ARAP1: variants seen among roughly 807,000 people sequenced by gnomAD.
The protein encoded by ARAP1 is arf-GAP with Rho-GAP domain, ANK repeat and PH domain-containing protein 1.
In ARAP1, 76 loss-of-function variants were observed where a neutral mutation model predicts 172.2. That is an observed-to-expected ratio of 0.44 (90% CI 0.37 to 0.53). ARAP1 has a LOEUF of 0.53. Ranked by LOEUF, ARAP1 falls within the 20% of genes least tolerant of loss-of-function variation. The probability of loss-of-function intolerance (pLI) is 0.00; values close to 1 mark genes in which losing one functional copy is unlikely to be tolerated. For synonymous variants in ARAP1, 804 were observed against 803.3 expected (o/e 1.00, Z -0.01); for missense variants, 1,686 against 1,977.5 (o/e 0.85, Z 2.80).
At chr11:72,729,485 C>G (rs1357111218) in intron 2 of ARAP1, among the ~76,000 whole-genome samples, 1 of 151,954 alleles carries the variant, frequency 6.6e-6, no homozygotes, top group African/African-American at 2.4e-5. Flanking sequence ...CTCAGCTACT[C>G]AGGAGGCTAA....
At chr11:72,716,510 G>A (rs117252445) in intron 3 of ARAP1, among the ~76,000 whole-genome samples, 5,457 of 152,380 alleles carry the variant, frequency 0.036, 129 homozygotes, top group Non-Finnish European at 0.056. Context: ...GCATCTGGAC[G>A]GAGAGAAACT....
chr11:72,703,674 G>A (rs905924068), intron 14 of ARAP1, among the ~76,000 whole-genome samples: 6 of 152,226 alleles, frequency 3.9e-5, no homozygotes, highest in Non-Finnish European at 7.3e-5. Context: ...CTGCCTCGGA[G>A]CTGGCTGCCT....
chr11:72,694,776 C>T (rs190480614), intron 27 of ARAP1, among the ~76,000 whole-genome samples: 17 of 152,292 alleles, frequency 1.1e-4, no homozygotes, highest in African/African-American at 4.1e-4. Context: ...TCACTGACAT[C>T]TTCTATCAGC....
At chr11:72,705,563 T>C (rs1565217487) in intron 13 of ARAP1, 2 of 464,272 alleles carry the variant, frequency 4.3e-6, no homozygotes, top group South Asian at 3.8e-5. Context: ...ATTTTCTTCC[T>C]TTTTTTTTCT....
rs531096054 is a variant in ARAP1 at position 72,714,528 on chromosome 11, C to T, written c.510-207G>A. 2.0e-5 allele frequency among the ~76,000 whole-genome samples: 3 copies of T among 152,296 alleles called. No homozygotes were observed. In the South Asian group the frequency reaches 6.2e-4, roughly 32 times the overall value. On this transcript the variant is annotated intron_variant, in intron 3 of 34. Coordinates refer to ENST00000393609, the MANE Select transcript of ARAP1 (RefSeq NM_001040118.3). Reference sequence around the variant, plus strand: ...CCGAAGCCTAAAGGAAGCAGGCACCCTCTTTGGCCTGAATGAGGTGTTCAC... The same window carrying T: ...CCGAAGCCTAAAGGAAGCAGGCACCTTCTTTGGCCTGAATGAGGTGTTCAC...
In ARAP1 at chr11:72,699,298, C is replaced by T. The variant is rs564170398; in HGVS notation, c.2438+119G>A. ...AGACTGGAGTCGGCCCTTGTGCAGCCTCCGTTTGCTGTGTGACTCTGCGGA... is the reference window on the plus strand; with the variant it reads ...AGACTGGAGTCGGCCCTTGTGCAGCTTCCGTTTGCTGTGTGACTCTGCGGA... On this transcript the variant is annotated intron_variant, in intron 17 of 34. Transcript: ENST00000393609. The surrounding 1 kb of genome is among the most constrained non-coding windows in gnomAD (Gnocchi z 4.2). 7.8e-5 allele frequency: 117 copies of T among 1,503,614 alleles called. No homozygotes were observed. In the African/African-American group the frequency reaches 1.5e-3, roughly 20 times the overall value. The allele number at this position is 1,503,614 out of a possible 1,614,324, so 93.1% of individuals were successfully genotyped here.
intron 3 of ARAP1, among the ~76,000 whole-genome samples, chr11:72,723,029 C>T (rs1395114219): frequency 6.6e-6 from 1 of 152,118 alleles, no homozygotes; most frequent in African/African-American, 2.4e-5. Context: ...GGTAGGGTGC[C>T]GAGTGCAGTG....
chr11:72,697,784 CAT>C, intron 19 of ARAP1, 125 bp downstream of exon 19: 4 of 1,503,860 alleles, frequency 2.7e-6, no homozygotes, highest in Non-Finnish European at 3.6e-6. Flanking sequence ...ACCCCAAGGA[CAT>C]GAGAGGGCAG....
In ARAP1 at chr11:72,685,941, A is replaced by C. The variant is rs746666330; in HGVS notation, c.4335+101T>G. ...GGCTGGAGGGAGGGGGCCGGAGGGC[A>C]ATCGGGGAGGGCAATCAGGGCAATC... On this transcript the variant is annotated intron_variant, in intron 34 of 34. Coordinates refer to ENST00000393609, the MANE Select transcript of ARAP1 (RefSeq NM_001040118.3). 5 of 1,598,366 alleles carry C rather than the reference A, an allele frequency of 3.1e-6. No individual in the cohort carries two copies. In the Admixed American group the frequency reaches 8.4e-5, roughly 27 times the overall value.
At chr11:72,716,161 A>G (rs893904011) in intron 3 of ARAP1, among the ~76,000 whole-genome samples, 6 of 142,180 alleles carry the variant, frequency 4.2e-5, no homozygotes, top group Non-Finnish European at 7.6e-5. Context: ...GGACAGAGCA[A>G]GACTCCGTCT....
chr11:72,704,423 G>T (rs2135524992), intron 13 of ARAP1, 89 bp from the exon 14 acceptor site: 2 of 1,370,618 alleles, frequency 1.5e-6, no homozygotes, highest in East Asian at 4.9e-5. Flanking sequence ...TGTTAGGAAA[G>T]GGGCTGGGAG....
In ARAP1 at chr11:72,713,175, C is replaced by T. The variant is rs746287330; in HGVS notation, c.747+1G>A. On this transcript the variant is annotated splice_donor_variant, in intron 5 of 34. Coordinates refer to ENST00000393609, the MANE Select transcript of ARAP1 (RefSeq NM_001040118.3). LOFTEE classifies it high-confidence loss of function. Reference sequence around the variant, plus strand: ...GCAGACAGTCCCATGCCTGGCCCCACCTTCTTGGTCATCACTCTGGCTGGG... The same window carrying T: ...GCAGACAGTCCCATGCCTGGCCCCATCTTCTTGGTCATCACTCTGGCTGGG... 9 of 1,613,778 alleles carry T rather than the reference C, an allele frequency of 5.6e-6. No homozygotes were observed. The highest frequency in any genetic ancestry group is 7.6e-6 in the Non-Finnish European group (9 of 1,179,860).
chr11:72,685,322 A>C lies in ARAP1; in HGVS notation c.*342T>G, dbSNP rs1591161175. 5.5e-6 allele frequency: 2 copies of C among 364,964 alleles called. No individual in the cohort carries two copies. The highest frequency in any genetic ancestry group is 1.1e-4 in the East Asian group (2 of 18,342). The allele number at this position is 364,964 out of a possible 1,614,324, so 22.6% of individuals were successfully genotyped here. Reference sequence around the variant, plus strand: ...GGGGGCTCCCTTCCGGCAGGGCCCCAGGGCCTCACGCCTCTGAAAGGGTGG... The same window carrying C: ...GGGGGCTCCCTTCCGGCAGGGCCCCCGGGCCTCACGCCTCTGAAAGGGTGG... On this transcript the variant is annotated 3_prime_UTR_variant, in exon 35 of 35. Coordinates refer to ENST00000393609, the MANE Select transcript of ARAP1 (RefSeq NM_001040118.3).
chr11:72,699,192 C>T lies in ARAP1; in HGVS notation c.2439-85G>A. 1.3e-6 allele frequency: 2 copies of T among 1,487,322 alleles called. No individual in the cohort carries two copies. The highest frequency in any genetic ancestry group is 1.9e-6 in the Non-Finnish European group (2 of 1,072,484). 92.1% of individuals were successfully genotyped at this position (1,487,322 alleles called of 1,614,324 possible). On this transcript the variant is annotated intron_variant, in intron 17 of 34. Transcript: ENST00000393609. The surrounding 1 kb of genome is among the most constrained non-coding windows in gnomAD (Gnocchi z 4.2). ...CCGCACCATCAACCGCCATCCTCTG[C>T]CCCCTCCGCACTGCCTTGGCGCTTG...
rs1855634073 is a variant in ARAP1 at position 72,685,562 on chromosome 11, A to G, written c.*102T>C. The G allele has an allele frequency of 6.6e-7, 1 of 1,506,618 alleles. No homozygotes were observed. The highest frequency in any genetic ancestry group is 1.1e-5 in the South Asian group (1 of 88,716). 93.3% of individuals were successfully genotyped at this position (1,506,618 alleles called of 1,614,324 possible). ...TGTGGGTTGTGGGGTGCAGTTTCCC[A>G]TGCACCCCCCGCTGGCTCACATCAG... On this transcript the variant is annotated 3_prime_UTR_variant, in exon 35 of 35. Transcript: ENST00000393609.
At chr11:72,721,918 C>G in intron 3 of ARAP1, 2 of 986,176 alleles carry the variant, frequency 2.0e-6, no homozygotes, top group Non-Finnish European at 2.4e-6. Flanking sequence ...TGCGTATGCC[C>G]AAGAATGTCG....
At chr11:72,689,955 G>A (rs1046149295) in intron 30 of ARAP1, among the ~76,000 whole-genome samples, 31 of 152,134 alleles carry the variant, frequency 2.0e-4, no homozygotes, top group Non-Finnish European at 3.7e-4. Context: ...TAGAGCAATC[G>A]GCCTGCAAAC....
In ARAP1 at chr11:72,702,788, C is replaced by T. The variant is rs1856549799; in HGVS notation, c.2167+117G>A. ...GCAAACCCAAGCACACCCCAGCTCACACATGATTTATCACAGGCCCTTGAG... is the reference window on the plus strand; with the variant it reads ...GCAAACCCAAGCACACCCCAGCTCATACATGATTTATCACAGGCCCTTGAG... On this transcript the variant is annotated intron_variant, in intron 15 of 34. Coordinates refer to ENST00000393609, the MANE Select transcript of ARAP1 (RefSeq NM_001040118.3). The T allele has an allele frequency of 2.3e-6, 3 of 1,317,128 alleles. No individual in the cohort carries two copies. In the South Asian group the frequency reaches 4.3e-5, roughly 19 times the overall value. The allele number at this position is 1,317,128 out of a possible 1,614,324, so 81.6% of individuals were successfully genotyped here.
At chr11:72,707,637 A>G (rs1856831066) in intron 11 of ARAP1, among the ~76,000 whole-genome samples, 1 of 152,144 alleles carries the variant, frequency 6.6e-6, no homozygotes, top group South Asian at 2.1e-4. Context: ...ATGATGCCTG[A>G]GCTAAGATTC....
Sources: allele counts gnomAD v4.1 joint callset (sites outside exome capture counted in the v4.1 genomes callset), GRCh38; gene constraint gnomAD v4.1.1; non-coding constraint Gnocchi (gnomAD v3.1); transcripts MANE v1.5; gene names NCBI Gene and HGNC (gene_info 2026-07-23, HGNC 2026-07-21).